Variants in DGKG observed in about 807,000 individuals in gnomAD.
DGKG encodes the protein DAG kinase gamma.
In DGKG, 78 loss-of-function variants were observed where a neutral mutation model predicts 105.3. The ratio of observed to expected loss-of-function variants is 0.74; its 90% CI spans 0.62 to 0.89. DGKG has a LOEUF of 0.89. Ranked by LOEUF, DGKG falls within the 40% of genes least tolerant of loss-of-function variation. DGKG has a pLI of 0.00. For synonymous variants in DGKG, 346 were observed against 367.1 expected (o/e 0.94, Z 0.66); for missense variants, 958 against 1,020.1 (o/e 0.94, Z 0.83).
rs190102658 is a variant in DGKG at position 186,344,932 on chromosome 3, T to C, written c.-249+17014A>G. 9.2e-5 allele frequency among the ~76,000 whole-genome samples: 14 copies of C among 152,292 alleles called. No individual in the cohort carries two copies. The East Asian group carries it at 1.2e-3, about 13-fold the overall frequency. Reference sequence around the variant, plus strand: ...CTTTGGATATTACGCAGCATATAATTTTTTCAGTAGTATTCATTATATTAC... The same window carrying C: ...CTTTGGATATTACGCAGCATATAATCTTTTCAGTAGTATTCATTATATTAC... On this transcript the variant is annotated intron_variant, in intron 1 of 24. Transcript: ENST00000265022.
intron 20 of DGKG, among the ~76,000 whole-genome samples, chr3:186,227,360 A>C (rs941008860): frequency 6.6e-6 from 1 of 152,228 alleles, no homozygotes; most frequent in African/African-American, 2.4e-5. Flanking sequence ...CATTTTACAC[A>C]TCAGAACATT....
chr3:186,234,694 C>T (rs1266178811), intron 20 of DGKG, among the ~76,000 whole-genome samples: 2 of 152,144 alleles, frequency 1.3e-5, no homozygotes, highest in Non-Finnish European at 2.9e-5. Context: ...CAGTGGGTAA[C>T]CTTGTAGGGA....
intron 3 of DGKG, among the ~76,000 whole-genome samples, chr3:186,304,236 T>G (rs1298466931): frequency 4.6e-5 from 7 of 152,184 alleles, no homozygotes; most frequent in African/African-American, 1.4e-4. Flanking sequence ...GTTCCCGTGT[T>G]TTTGGAGCTG....
chr3:186,290,913 C>T (rs770817520), intron 5 of DGKG, among the ~76,000 whole-genome samples: 1 of 152,194 alleles, frequency 6.6e-6, no homozygotes, highest in Non-Finnish European at 1.5e-5. Flanking sequence ...AGCGAATAAT[C>T]CCTGGAGAGA....
intron 20 of DGKG, among the ~76,000 whole-genome samples, chr3:186,241,104 T>C (rs544614142): frequency 6.6e-6 from 1 of 152,278 alleles, no homozygotes. Context: ...CAGATCGCTC[T>C]TTCTGAAGCT....
intron 24 of DGKG, among the ~76,000 whole-genome samples, chr3:186,155,160 CT>C (rs1229011347): frequency 6.6e-6 from 1 of 151,858 alleles, no homozygotes; most frequent in Non-Finnish European, 1.5e-5. Flanking sequence ...ATATGGGCTT[CT>C]GTTTTTGTTT....
intron 1 of DGKG, among the ~76,000 whole-genome samples, chr3:186,336,952 AAG>A (rs1236305618): frequency 6.6e-6 from 1 of 152,204 alleles, no homozygotes; most frequent in Non-Finnish European, 1.5e-5. Context: ...AGAATTAGAA[AAG>A]CCTGACTAGT....
intron 19 of DGKG, among the ~76,000 whole-genome samples, chr3:186,245,719 C>A (rs566419145): frequency 4.6e-5 from 7 of 152,256 alleles, no homozygotes; most frequent in East Asian, 3.9e-4. Context: ...CTTTCCTGAA[C>A]TACAACTCCA....
intron 2 of DGKG, among the ~76,000 whole-genome samples, chr3:186,316,963 CT>C (rs1724847658): frequency 1.3e-5 from 2 of 152,332 alleles, no homozygotes; most frequent in East Asian, 1.9e-4. Flanking sequence ...AGAATTGTAT[CT>C]TTTTTTCCTC....
intron 15 of DGKG, 86 bp from the exon 16 acceptor site, chr3:186,260,599 C>G (rs1253040031): frequency 3.1e-6 from 3 of 966,518 alleles, no homozygotes; most frequent in Non-Finnish European, 3.2e-6. Context: ...GCAAACACCT[C>G]TGGAGCCCAC....
At chr3:186,328,821 T>C (rs971509778) in intron 1 of DGKG, among the ~76,000 whole-genome samples, 3 of 152,032 alleles carry the variant, frequency 2.0e-5, no homozygotes, top group East Asian at 3.9e-4. Flanking sequence ...TCAGGTGATC[T>C]GCCTGCCTCA....
intron 1 of DGKG, among the ~76,000 whole-genome samples, chr3:186,339,327 G>A (rs953582424): frequency 7.9e-5 from 12 of 152,124 alleles, no homozygotes; most frequent in African/African-American, 2.4e-4. Context: ...TGTGCTAAGG[G>A]CTGTGGAGCT....
At chr3:186,160,527 A>T in intron 24 of DGKG, 2 of 985,308 alleles carry the variant, frequency 2.0e-6, no homozygotes, top group Non-Finnish European at 2.4e-6. Context: ...TTTTGCAGAG[A>T]AATTTCTGTT....
At chr3:186,201,495 T>G (rs930918154) in intron 21 of DGKG, among the ~76,000 whole-genome samples, 1 of 152,186 alleles carries the variant, frequency 6.6e-6, no homozygotes, top group African/African-American at 2.4e-5. Flanking sequence ...TGGGAGAATG[T>G]TGGCATTTCC....
intron 1 of DGKG, among the ~76,000 whole-genome samples, chr3:186,334,238 G>A (rs1233009507): frequency 1.3e-5 from 2 of 152,150 alleles, no homozygotes; most frequent in Non-Finnish European, 2.9e-5. Context: ...AGGAAACTGA[G>A]CAATCATTCA....
Position 186,288,739 on chromosome 3 carries a change from T to C in DGKG, c.515A>G (p.Glu172Gly). The change falls in exon 6 of 25, where the codon GAG becomes GGG. Residue 172 changes from glutamate to glycine, a missense_variant. Physicochemically the swap from Glu to Gly is moderately conservative, Grantham distance 98. Around this residue, in one of 2 missense-constraint regions of DGKG, gnomAD observed 643 missense variants for 619.5 expected, o/e 1.04. Transcript: ENST00000265022. ...CAGCTTATCCTGAGGCCTCCCCGTCTCCAGCAGGGACAGGTAGCACACAAC... is the reference window on the plus strand; with the variant it reads ...CAGCTTATCCTGAGGCCTCCCCGTCCCCAGCAGGGACAGGTAGCACACAAC... ...KDVVCYLSLL[E>G]TGRPQDKLEF... 6.2e-7 allele frequency: 1 copy of C among 1,614,168 alleles called. No individual in the cohort carries two copies. The highest frequency in any genetic ancestry group is 8.5e-7 in the Non-Finnish European group (1 of 1,180,026).
Position 186,268,881 on chromosome 3 carries a change from C to G in DGKG, c.1036G>C (p.Val346Leu). 5 of 1,613,990 alleles carry G rather than the reference C, an allele frequency of 3.1e-6. No homozygotes were observed. The highest frequency in any genetic ancestry group is 4.2e-6 in the Non-Finnish European group (5 of 1,180,000). ...QHAWVEGNSS[V>L]KCDRCHKSIK... ...CTTTTGTGGCACCGGTCACACTTGA[C>G]GGAGGAGTTCCCTTCCACCCATGCG... Residue 346 changes from valine (V) to leucine (L), a missense_variant, in exon 12 of 25, where the codon GTC (valine) becomes CTC (leucine). Around this residue, in one of 2 missense-constraint regions of DGKG, gnomAD observed 643 missense variants for 619.5 expected, o/e 1.04. Transcript: ENST00000265022.
Position 186,229,886 on chromosome 3 carries a change from A to G in DGKG, c.1826+12618T>C, listed in dbSNP as rs143414885. Among the ~76,000 whole-genome samples, 264 of 152,360 alleles carry G rather than the reference A, an allele frequency of 1.7e-3. 6 individuals carry two copies. The East Asian group carries it at 0.046, about 26-fold the overall frequency. ...GAAAGCTTATGAACAAGTTGGAGAC[A>G]TAACAGTAGTTTAGCATCCCAAACA... is the stretch of plus-strand genomic sequence containing the variant. On this transcript the variant is annotated intron_variant, in intron 20 of 24. Coordinates refer to ENST00000265022, the MANE Select transcript of DGKG (RefSeq NM_001346.3).
chr3:186,205,551 A>G (rs1718689163), intron 21 of DGKG, among the ~76,000 whole-genome samples: 2 of 152,138 alleles, frequency 1.3e-5, no homozygotes, highest in Admixed American at 1.3e-4. Flanking sequence ...GTCTACTAAA[A>G]ATACAAAAAT....
Sources: allele counts gnomAD v4.1 joint callset (sites outside exome capture counted in the v4.1 genomes callset), GRCh38; gene constraint gnomAD v4.1.1; regional missense constraint gnomAD v4.1.1; transcripts MANE v1.5; gene names NCBI Gene and HGNC (gene_info 2026-07-23, HGNC 2026-07-21).